Variants in COL25A1 observed in about 807,000 individuals in gnomAD.
COL25A1 encodes the protein collagen type XXV alpha 1 chain, also known as collagen alpha-1(XXV) chain.
Under a neutral mutation model 128.4 loss-of-function variants are expected in COL25A1, and 103 were observed. The ratio of observed to expected loss-of-function variants is 0.80; its 90% confidence interval spans 0.68 to 0.94. The LOEUF (loss-of-function observed/expected upper bound fraction) is 0.94. Among genes scored for constraint, COL25A1 ranks in the 40% least tolerant of loss-of-function variants. COL25A1 has a pLI of 0.00. For missense variants in COL25A1, 745 were observed against 840.0 expected (o/e 0.89, Z 1.40); for synonymous variants, 279 against 277.2 (o/e 1.01, Z -0.06).
intron 6 of COL25A1, among the ~76,000 whole-genome samples, chr4:108,993,464 G>A (rs1404228889): frequency 6.6e-6 from 1 of 152,224 alleles, no homozygotes; most frequent in African/African-American, 2.4e-5. Context: ...ATTCTAAAAA[G>A]CTAATAGTTT....
intron 4 of COL25A1, 47 bp from the exon 5 acceptor site, chr4:109,048,222 G>T (rs555057869): frequency 2.6e-6 from 4 of 1,553,130 alleles, no homozygotes; most frequent in Non-Finnish European, 3.6e-6. Flanking sequence ...AGGAGTTAGT[G>T]AATATGCAAA....
At chr4:109,110,929 C>T (rs1766940377) in intron 3 of COL25A1, among the ~76,000 whole-genome samples, 1 of 152,186 alleles carries the variant, frequency 6.6e-6, no homozygotes, top group African/African-American at 2.4e-5. Flanking sequence ...GATTCCAATT[C>T]CAACTTCCTG....
In COL25A1 at chr4:108,832,421, G is replaced by A. The variant is rs771599845; in HGVS notation, c.1669C>T (p.Pro557Ser). The A allele has an allele frequency of 7.5e-6, 12 of 1,606,744 alleles. No homozygotes were observed. In the South Asian group the frequency reaches 1.1e-4, roughly 15 times the overall value. The stretch of plus-strand genomic sequence containing the variant: ...CCTGCAGGGCCATGGGGTCCCATAG[G>A]ACCATCTGTACCCTAAAAAAAAGAT... ...GLPGPKGTDG[P>S]MGPHGPAGPK... The change falls in exon 32 of 38, where the codon CCT (proline) becomes TCT (serine). Residue 557 changes from proline to serine, a missense_variant. Coordinates refer to ENST00000399132, the MANE Select transcript of COL25A1 (RefSeq NM_198721.4).
intron 30 of COL25A1, among the ~76,000 whole-genome samples, chr4:108,843,193 A>AGAAGAAG (rs1223973330): frequency 2.0e-5 from 3 of 151,608 alleles, no homozygotes; most frequent in Admixed American, 6.6e-5. Context: ...GAAAGAAGAA[A>AGAAGAAG]GAAGAAGGAA....
At chr4:108,834,547 G>C (rs907206210) in intron 31 of COL25A1, among the ~76,000 whole-genome samples, 1 of 150,876 alleles carries the variant, frequency 6.6e-6, no homozygotes, top group South Asian at 2.1e-4. Context: ...CAAATTGTTA[G>C]TTAAAAAAAA....
chr4:109,283,293 G>A (rs1325392412), intron 3 of COL25A1, among the ~76,000 whole-genome samples: 1 of 152,150 alleles, frequency 6.6e-6, no homozygotes, highest in East Asian at 1.9e-4. Flanking sequence ...TATTGTATAG[G>A]CTGGAGTGCA....
chr4:109,292,737 C>G (rs1724593677), intron 3 of COL25A1, among the ~76,000 whole-genome samples: 1 of 152,068 alleles, frequency 6.6e-6, no homozygotes, highest in Admixed American at 6.6e-5. Flanking sequence ...CCACAAAAGT[C>G]ACTGGATCCT....
intron 3 of COL25A1, among the ~76,000 whole-genome samples, chr4:109,141,425 G>GT (rs375499324): frequency 6.6e-5 from 10 of 152,276 alleles, no homozygotes; most frequent in African/African-American, 2.4e-4. Context: ...CCAGGTTTTG[G>GT]TATCAGGATG....
At chr4:109,013,540 C>T (rs1341564656) in intron 5 of COL25A1, among the ~76,000 whole-genome samples, 1 of 111,790 alleles carries the variant, frequency 8.9e-6, no homozygotes, top group Non-Finnish European at 1.7e-5. Flanking sequence ...CTGCTGCTCA[C>T]TCTTTGGGTC....
At chr4:109,188,347 G>T (rs1218173868) in intron 3 of COL25A1, among the ~76,000 whole-genome samples, 1 of 152,162 alleles carries the variant, frequency 6.6e-6, no homozygotes, top group Non-Finnish European at 1.5e-5. Flanking sequence ...GGAACACGTG[G>T]TGGTGCTCTG....
At chr4:108,840,033 G>A (rs935418107) in intron 31 of COL25A1, among the ~76,000 whole-genome samples, 3 of 152,014 alleles carry the variant, frequency 2.0e-5, no homozygotes, top group African/African-American at 7.3e-5. Flanking sequence ...CTTGGGGTCA[G>A]GAGTTCAAGA....
At chr4:108,873,014 T>C (rs1414590179) in intron 19 of COL25A1, among the ~76,000 whole-genome samples, 1 of 152,050 alleles carries the variant, frequency 6.6e-6, no homozygotes, top group East Asian at 1.9e-4. Context: ...CACCTCAGCT[T>C]CCTGAGTAGC....
chr4:108,819,838 G>T, intron 35 of COL25A1: 1 of 1,231,584 alleles, frequency 8.1e-7, no homozygotes, highest in South Asian at 4.1e-5. Flanking sequence ...TCTAATCCAG[G>T]AGCACCCTGT....
chr4:108,944,233 C>A (rs1442243511), intron 8 of COL25A1, among the ~76,000 whole-genome samples: 1 of 152,130 alleles, frequency 6.6e-6, no homozygotes, highest in African/African-American at 2.4e-5. Flanking sequence ...TCCTCTTTTT[C>A]TTCTCTCTAA....
chr4:109,162,946 G>A (rs1413013532), intron 3 of COL25A1, among the ~76,000 whole-genome samples: 1 of 152,178 alleles, frequency 6.6e-6, no homozygotes, highest in Non-Finnish European at 1.5e-5. Context: ...TCCCCTTGAG[G>A]CACTGTTCTG....
At chr4:108,912,355 A>G (rs1174025948) in intron 13 of COL25A1, among the ~76,000 whole-genome samples, 9 of 152,166 alleles carry the variant, frequency 5.9e-5, no homozygotes, top group Admixed American at 4.6e-4. Flanking sequence ...TTAATGTTAA[A>G]AAACTGAAAA....
intron 19 of COL25A1, among the ~76,000 whole-genome samples, chr4:108,882,261 T>TTC (rs1740220447): frequency 6.7e-6 from 1 of 148,834 alleles, no homozygotes; most frequent in Non-Finnish European, 1.5e-5. Flanking sequence ...CAAAATTGCT[T>TTC]TTTTTTTTTT....
intron 3 of COL25A1, among the ~76,000 whole-genome samples, chr4:109,156,731 C>T (rs1036551621): frequency 6.6e-6 from 1 of 152,128 alleles, no homozygotes; most frequent in Non-Finnish European, 1.5e-5. Context: ...TGAAACAAAG[C>T]AAAAATGCAC....
At chr4:109,211,520 G>A (rs539906647) in intron 3 of COL25A1, among the ~76,000 whole-genome samples, 68 of 151,030 alleles carry the variant, frequency 4.5e-4, no homozygotes, top group African/African-American at 1.6e-3. Context: ...GGGAGAAGAG[G>A]TATGGGGAGC....
Sources: allele counts gnomAD v4.1 joint callset (sites outside exome capture counted in the v4.1 genomes callset), GRCh38; gene constraint gnomAD v4.1.1; transcripts MANE v1.5; gene names NCBI Gene and HGNC (gene_info 2026-07-23, HGNC 2026-07-21).